The following FAM168B variants were observed in gnomAD, a reference collection of about 807,000 sequenced individuals.
FAM168B encodes the protein myelin-associated neurite-outgrowth inhibitor.
FAM168B carries 19 observed loss-of-function variants against 21.8 expected under a neutral mutation model. The ratio of observed to expected loss-of-function variants is 0.87; its 90% CI spans 0.61 to 1.28. FAM168B has a LOEUF of 1.28. Among genes scored for constraint, FAM168B ranks in the 50% most tolerant of loss-of-function variants. The pLI is 0.00. For synonymous variants in FAM168B, 126 were observed against 104.8 expected (o/e 1.20, Z -1.24); for missense variants, 233 against 263.1 (o/e 0.89, Z 0.79).
In FAM168B at chr2:131,055,568, C is replaced by T. The variant is rs754922146; in HGVS notation, c.282G>A (p.Gln94=). 3 of 1,604,700 alleles carry T rather than the reference C, an allele frequency of 1.9e-6. No homozygotes were observed. Among genetic ancestry groups the T allele is most frequent in the East Asian group, 2.2e-5 (1 of 44,582 alleles). Residue 94 remains glutamine, a synonymous_variant, in exon 4 of 7, where the codon CAG becomes CAA. Coordinates refer to ENST00000389915, the MANE Select transcript of FAM168B (RefSeq NM_001009993.4). The part of the protein sequence containing the change: ...VYPVRSAYPQ[Q]SPYAQQGTYY... ...CCAAGCATACCTGTGCATACGGGCTCTGCTGGGGGTAGGCACTTCGCACAG... is the reference window on the plus strand; with the variant it reads ...CCAAGCATACCTGTGCATACGGGCTTTGCTGGGGGTAGGCACTTCGCACAG...
At chr2:131,072,060 G>GAGCACTATGTGTGGCCAAC (rs1692900251) in intron 2 of FAM168B, 122 bp from the exon 3 acceptor site, 2 of 793,456 alleles carry the variant, frequency 2.5e-6, no homozygotes, top group Non-Finnish European at 4.2e-6. Context: ...GCAGCCCCAA[G>GAGCACTATGTGTGGCCAAC]AGCACTATGT....
At chr2:131,075,407 C>T (rs1693093354) in intron 2 of FAM168B, among the ~76,000 whole-genome samples, 1 of 152,072 alleles carries the variant, frequency 6.6e-6, no homozygotes, top group Non-Finnish European at 1.5e-5. Context: ...GGGAAGAGGG[C>T]TGCTCTGGAT....
At chr2:131,082,072 T>G (rs1229299432) in intron 2 of FAM168B, among the ~76,000 whole-genome samples, 1 of 152,134 alleles carries the variant, frequency 6.6e-6, no homozygotes, top group Non-Finnish European at 1.5e-5. Context: ...TCACTTGCAG[T>G]CCATATTTGA....
At chr2:131,073,584 C>T (rs932787826) in intron 2 of FAM168B, among the ~76,000 whole-genome samples, 8 of 152,144 alleles carry the variant, frequency 5.3e-5, no homozygotes, top group South Asian at 2.1e-4. Flanking sequence ...TTCTCTCTGA[C>T]GCACTCGCTG....
chr2:131,082,792 A>C, intron 1 of FAM168B, 135 bp from the exon 2 acceptor site: 1 of 587,938 alleles, frequency 1.7e-6, no homozygotes, highest in Non-Finnish European at 3.0e-6. Flanking sequence ...GCTGCCCCCA[A>C]CCAGCGAAGA....
At chr2:131,058,531 T>C (rs990475219) in intron 3 of FAM168B, among the ~76,000 whole-genome samples, 1 of 152,338 alleles carries the variant, frequency 6.6e-6, no homozygotes, top group South Asian at 2.1e-4. Flanking sequence ...TAGTCTCCAT[T>C]TGAAGAAAGA....
rs868194039 is a variant in FAM168B at position 131,050,874 on chromosome 2, C to T, written c.*1591G>A. On this transcript the variant is annotated 3_prime_UTR_variant, in exon 7 of 7. Coordinates refer to ENST00000389915, the MANE Select transcript of FAM168B (RefSeq NM_001009993.4). ...ACCACTGCACTGGGAAGAAGACGCA[C>T]GCTCCTGCCCTAGAGGCCGCTGAAA... The T allele has an allele frequency of 5.5e-5, 54 of 985,416 alleles. No homozygotes were observed. The African/African-American group carries it at 7.3e-4, about 13-fold the overall frequency. 61.0% of individuals were successfully genotyped at this position (985,416 alleles called of 1,614,324 possible).
At position 131,050,546 on chromosome 2, in the gene FAM168B, G is replaced by C. The variant is rs1469999718; in HGVS notation, c.*1919C>G. The C allele has an allele frequency of 1.0e-6, 1 of 985,628 alleles. No homozygotes were observed. The highest frequency in any genetic ancestry group is 1.2e-6 in the Non-Finnish European group (1 of 829,926). The allele number at this position is 985,628 out of a possible 1,614,324, so 61.1% of individuals were successfully genotyped here. ...TTAAGTGCTCATGAAGCAATTTAAA[G>C]TACTTATCAGTAAACATTCTATGTT... On this transcript the variant is annotated 3_prime_UTR_variant, in exon 7 of 7. Coordinates refer to ENST00000389915, the MANE Select transcript of FAM168B (RefSeq NM_001009993.4).
chr2:131,071,268 G>C (rs1186135696), intron 3 of FAM168B, among the ~76,000 whole-genome samples: 1 of 152,140 alleles, frequency 6.6e-6, no homozygotes, highest in African/African-American at 2.4e-5. Context: ...CACCACCACT[G>C]CTGCGGCAGA....
intron 6 of FAM168B, 28 bp downstream of exon 6, chr2:131,052,863 G>C: frequency 1.3e-6 from 2 of 1,546,806 alleles, no homozygotes; most frequent in Non-Finnish European, 1.7e-6. Flanking sequence ...TTCATCAAAG[G>C]CTAGCCCAGC....
At chr2:131,092,395 T>C (rs1694079365) in intron 1 of FAM168B, among the ~76,000 whole-genome samples, 1 of 152,188 alleles carries the variant, frequency 6.6e-6, no homozygotes, top group Non-Finnish European at 1.5e-5. Context: ...ATGTGTCCTG[T>C]TTTTGCCAAA....
chr2:131,070,293 A>G (rs996006034), intron 3 of FAM168B, among the ~76,000 whole-genome samples: 1 of 152,254 alleles, frequency 6.6e-6, no homozygotes, highest in African/African-American at 2.4e-5. Context: ...GACATACAGT[A>G]AAAGCAAATT....
intron 1 of FAM168B, 39 bp from the exon 2 acceptor site, chr2:131,082,696 C>T: frequency 7.0e-7 from 1 of 1,433,328 alleles, no homozygotes; most frequent in Non-Finnish European, 9.6e-7. Context: ...AGCACTTTTG[C>T]TCTCAGATTT....
Position 131,048,231 on chromosome 2 carries a change from A to G in FAM168B, c.*4234T>C. 7.7e-7 allele frequency: 1 copy of G among 1,303,708 alleles called. No homozygotes were observed. Among genetic ancestry groups the G allele is most frequent in the Non-Finnish European group, 1.0e-6 (1 of 988,542 alleles). The allele number at this position is 1,303,708 out of a possible 1,614,324, so 80.8% of individuals were successfully genotyped here. On this transcript the variant is annotated 3_prime_UTR_variant, in exon 7 of 7. Transcript: ENST00000389915. ...TTAGTTACAATCCATGAGGCTCTCT[A>G]GGGCCTCTCCGTGTGGCCAGCACAG...
At chr2:131,062,759 T>G (rs1692368981) in intron 3 of FAM168B, among the ~76,000 whole-genome samples, 1 of 152,194 alleles carries the variant, frequency 6.6e-6, no homozygotes, top group Admixed American at 6.5e-5. Flanking sequence ...ACCCAAGGTG[T>G]CTTACAACAC....
At chr2:131,076,535 C>T (rs1232904066) in intron 2 of FAM168B, among the ~76,000 whole-genome samples, 1 of 151,756 alleles carries the variant, frequency 6.6e-6, no homozygotes, top group Non-Finnish European at 1.5e-5. Flanking sequence ...CTCCTGTAGT[C>T]CCAGCTACTC....
chr2:131,066,564 T>G (rs1692570000), intron 3 of FAM168B, among the ~76,000 whole-genome samples: 1 of 151,494 alleles, frequency 6.6e-6, no homozygotes, highest in South Asian at 2.1e-4. Flanking sequence ...CAGACTGTTT[T>G]GACAATTTCA....
At chr2:131,073,211 G>T (rs1558975160) in intron 2 of FAM168B, among the ~76,000 whole-genome samples, 2 of 151,786 alleles carry the variant, frequency 1.3e-5, no homozygotes, top group African/African-American at 2.4e-5. Context: ...TCCTGCCTCA[G>T]TCTCCCTAGT....
chr2:131,074,138 C>CTT (rs144312207), intron 2 of FAM168B, among the ~76,000 whole-genome samples: 4 of 151,250 alleles, frequency 2.6e-5, no homozygotes, highest in African/African-American at 9.7e-5. Flanking sequence ...AGTATTCTCT[C>CTT]TTTTTTTTTG....
Sources: gnomAD v4.1 joint callset for allele counts (sites outside exome capture counted in the v4.1 genomes callset) on GRCh38, gnomAD v4.1.1 for gene constraint, MANE v1.5 for transcripts, NCBI Gene and HGNC (gene_info 2026-07-23, HGNC 2026-07-21) for gene names.